Variants in LPP observed in about 807,000 individuals in gnomAD.
LPP encodes lipoma-preferred partner.
A neutral mutation model predicts 60.4 loss-of-function variants in LPP; 38 were observed. That is an observed-to-expected ratio of 0.63 (90% CI 0.49 to 0.83). LPP has a LOEUF of 0.83. Ranked by LOEUF, LPP falls within the 40% of genes least tolerant of loss-of-function variation. The pLI is 0.00. For missense variants in LPP, 902 were observed against 783.6 expected, an observed-to-expected ratio of 1.15 and a Z score of -1.80; for synonymous variants, 328 against 290.8, an observed-to-expected ratio of 1.13 and a Z score of -1.30.
chr3:188,534,347 A>G (rs1389856678), intron 6 of LPP, among the ~76,000 whole-genome samples: 1 of 152,248 alleles, frequency 6.6e-6, no homozygotes, highest in East Asian at 1.9e-4. Context: ...TTTGAAAAGA[A>G]ACGAACAAAG....
intron 2 of LPP, among the ~76,000 whole-genome samples, chr3:188,301,488 T>C (rs1243240723): frequency 2.6e-5 from 4 of 152,152 alleles, no homozygotes; most frequent in Admixed American, 6.6e-5. Flanking sequence ...TTAAGGAATG[T>C]TTTGCTAAGA....
At chr3:188,667,761 G>C (rs909461797) in intron 7 of LPP, among the ~76,000 whole-genome samples, 1 of 148,508 alleles carries the variant, frequency 6.7e-6, no homozygotes, top group African/African-American at 2.4e-5. Context: ...TGTGTTAACA[G>C]GAAAGTTGTT....
intron 10 of LPP, among the ~76,000 whole-genome samples, chr3:188,867,306 T>C (rs946115374): frequency 4.7e-5 from 7 of 148,116 alleles, no homozygotes; most frequent in Non-Finnish European, 8.9e-5. Context: ...TTTTTATATA[T>C]TTTATATATA....
chr3:188,554,160 AAG>A (rs1828905124), intron 6 of LPP: 1 of 152,108 alleles, frequency 6.6e-6, no homozygotes, highest in Non-Finnish European at 1.5e-5. Context: ...TTTTAAAAAA[AAG>A]AAAGATTTTC....
chr3:188,798,628 C>T (rs1031485140), intron 9 of LPP, among the ~76,000 whole-genome samples: 1 of 152,174 alleles, frequency 6.6e-6, no homozygotes, highest in African/African-American at 2.4e-5. Flanking sequence ...GTATGGGGTA[C>T]AATGGCTTTC....
intron 9 of LPP, among the ~76,000 whole-genome samples, chr3:188,760,948 A>G (rs1317928491): frequency 6.6e-6 from 1 of 152,200 alleles, no homozygotes; most frequent in Non-Finnish European, 1.5e-5. Flanking sequence ...AAAAATTCTC[A>G]GTCATGTTAC....
At chr3:188,734,296 T>G (rs1721721659) in intron 8 of LPP, among the ~76,000 whole-genome samples, 1 of 152,220 alleles carries the variant, frequency 6.6e-6, no homozygotes, top group Admixed American at 6.5e-5. Flanking sequence ...CTAAATTATT[T>G]TTATCAAAAA....
chr3:188,431,721 A>G (rs997222600), intron 4 of LPP, among the ~76,000 whole-genome samples: 1 of 152,176 alleles, frequency 6.6e-6, no homozygotes. Context: ...AGTTTCCACA[A>G]TTGTAAAACA....
intron 2 of LPP, among the ~76,000 whole-genome samples, chr3:188,284,641 G>A (rs1490057849): frequency 6.6e-6 from 1 of 152,200 alleles, no homozygotes; most frequent in Non-Finnish European, 1.5e-5. Context: ...CCACATACGT[G>A]CATGTGTGCA....
rs201567974 is a variant in LPP at position 188,609,403 on chromosome 3, G to A, written c.672G>A (p.Gln224=). ...CTTCAAGGCCTACCTTTAATGTGCA[G>A]GTGAAGTCAGCCCAGCCCAGCCCTC... is the stretch of plus-strand genomic sequence containing the variant. ...STSSRPTFNV[Q]VKSAQPSPHY... is the part of the protein sequence containing the mutation. Residue 224 remains glutamine, a synonymous_variant, in exon 7 of 12, where the codon CAG becomes CAA. Transcript: ENST00000617246. The surrounding 1 kb of genome is among the most constrained non-coding windows in gnomAD (Gnocchi z 6.9). 3 of 1,614,152 alleles carry A rather than the reference G, an allele frequency of 1.9e-6. No individual in the cohort carries two copies. The highest frequency in any genetic ancestry group is 3.3e-5 in the Admixed American group (2 of 60,016).
chr3:188,280,541 A>G (rs1741583754), intron 2 of LPP, among the ~76,000 whole-genome samples: 1 of 152,138 alleles, frequency 6.6e-6, no homozygotes, highest in Admixed American at 6.5e-5. Context: ...AATAGGTATT[A>G]TCAAAAAAGT....
chr3:188,531,814 A>G (rs972117653), intron 6 of LPP, among the ~76,000 whole-genome samples: 2 of 152,162 alleles, frequency 1.3e-5, no homozygotes, highest in Non-Finnish European at 2.9e-5. Context: ...CCTGAGTTTC[A>G]TGAGTAATTC....
At chr3:188,667,291 A>T (rs1326755686) in intron 7 of LPP, among the ~76,000 whole-genome samples, 2 of 152,028 alleles carry the variant, frequency 1.3e-5, no homozygotes, top group Non-Finnish European at 2.9e-5. Context: ...ATCCTGGCTA[A>T]CACGGTGAAA....
At chr3:188,193,498 C>G (rs1002550048) in intron 1 of LPP, among the ~76,000 whole-genome samples, 1 of 152,218 alleles carries the variant, frequency 6.6e-6, no homozygotes, top group African/African-American at 2.4e-5. Flanking sequence ...TGGCATACAA[C>G]AAGTGCCATG....
At chr3:188,598,325 C>T (rs1028377458) in intron 6 of LPP, among the ~76,000 whole-genome samples, 3 of 152,096 alleles carry the variant, frequency 2.0e-5, no homozygotes, top group Admixed American at 1.3e-4. Flanking sequence ...GAATAGAGTA[C>T]GTACTAGAGG....
Position 188,287,603 on chromosome 3 carries a change from G to T in LPP, c.-66-54060G>T, listed in dbSNP as rs188169041. Among the ~76,000 whole-genome samples, 4 of 152,204 alleles carry T rather than the reference G, an allele frequency of 2.6e-5. No individual in the cohort carries two copies. The East Asian group carries it at 7.7e-4, about 29-fold the overall frequency. ...ACCTTCCCTTTTTCGGGGGACTGGC[G>T]GAGGTGGGGTGAGGAGAGAGGTAGG... On this transcript the variant is annotated intron_variant, in intron 2 of 11. Coordinates refer to ENST00000617246, the MANE Select transcript of LPP (RefSeq NM_001375462.1).
chr3:188,348,787 C>T (rs892687236), intron 3 of LPP, among the ~76,000 whole-genome samples: 2 of 152,124 alleles, frequency 1.3e-5, no homozygotes, highest in Non-Finnish European at 2.9e-5. Flanking sequence ...CTTCGGCCCT[C>T]GCCCTATTTC....
Position 188,323,533 on chromosome 3 carries a change from G to A in LPP, c.-66-18130G>A, listed in dbSNP as rs538203192. Among the ~76,000 whole-genome samples, 168 of 152,298 alleles carry A rather than the reference G, an allele frequency of 1.1e-3. 2 individuals carry two copies. Among genetic ancestry groups the A allele is most frequent in the Admixed American group, 3.0e-3 (46 of 15,298 alleles). ...CAGAATAAAGTCGAGGGTAAACAGA[G>A]GCCATGGAAAAGCACTAGAGTTTGA... On this transcript the variant is annotated intron_variant, in intron 2 of 11. Transcript: ENST00000617246.
intron 4 of LPP, among the ~76,000 whole-genome samples, chr3:188,429,462 C>A (rs1242214586): frequency 2.6e-5 from 4 of 152,150 alleles, no homozygotes; most frequent in African/African-American, 9.7e-5. Flanking sequence ...TCCTCTTAGG[C>A]AATCTTAGGT....
Sources: gnomAD v4.1 joint callset for allele counts (sites outside exome capture counted in the v4.1 genomes callset) on GRCh38, gnomAD v4.1.1 for gene constraint, Gnocchi (gnomAD v3.1) non-coding constraint, MANE v1.5 for transcripts, NCBI Gene and HGNC (gene_info 2026-07-23, HGNC 2026-07-21) for gene names.